Variants in TENM3 observed in about 807,000 individuals in gnomAD.
TENM3 encodes teneurin transmembrane protein 3.
Under a neutral mutation model 255.1 loss-of-function variants are expected in TENM3, and 63 were observed. The observed-to-expected ratio is 0.25, with a 90% confidence interval of 0.20 to 0.30. The LOEUF (loss-of-function observed/expected upper bound fraction) is 0.30. Among genes scored for constraint, TENM3 ranks in the 10% least tolerant of loss-of-function variants. The pLI is 1.00. For missense variants in TENM3, 2,929 were observed against 3,461.1 expected, an observed-to-expected ratio of 0.85 and a Z score of 3.86; for synonymous variants, 1,306 against 1,322.3, an observed-to-expected ratio of 0.99 and a Z score of 0.27.
the TENM3 span, among the ~76,000 whole-genome samples, chr4:181,780,404 T>A: frequency 6.6e-6 from 1 of 152,226 alleles, no homozygotes; most frequent in African/African-American, 2.4e-5. Context: ...TGAGCATTTT[T>A]TCATGTGTCT....
upstream of TENM3, among the ~76,000 whole-genome samples, chr4:182,240,525 A>T (rs7668588): frequency 0.45 from 67,721 of 151,764 alleles, 15,803 homozygotes; most frequent in African/African-American, 0.55. Context: ...ATAAAAGGGG[A>T]GATGTAGACC....
intron 3 of TENM3, among the ~76,000 whole-genome samples, chr4:182,438,089 C>T (rs1055211839): frequency 2.0e-5 from 3 of 151,940 alleles, no homozygotes; most frequent in Admixed American, 6.6e-5. Flanking sequence ...AAAATGAGAC[C>T]CAGATAACTT....
chr4:181,557,168 G>A, the TENM3 span, among the ~76,000 whole-genome samples: 2 of 152,266 alleles, frequency 1.3e-5, no homozygotes, highest in African/African-American at 4.8e-5. Flanking sequence ...CAGGCTCATA[G>A]CATTATTTGC....
chr4:182,292,646 T>C (rs1761197494), intron 1 of TENM3, among the ~76,000 whole-genome samples: 2 of 152,168 alleles, frequency 1.3e-5, no homozygotes, highest in Non-Finnish European at 2.9e-5. Context: ...CTTCTCTCTT[T>C]CCCTCTCTGA....
intron 1 of TENM3, among the ~76,000 whole-genome samples, chr4:182,156,440 C>T (rs144973062): frequency 3.7e-3 from 559 of 152,070 alleles, no homozygotes; most frequent in African/African-American, 0.013. Flanking sequence ...GTTTGGGGTA[C>T]GGATGATCTC....
chr4:182,634,147 C>T (rs1751642587), intron 5 of TENM3, among the ~76,000 whole-genome samples: 1 of 152,132 alleles, frequency 6.6e-6, no homozygotes, highest in Admixed American at 6.5e-5. Flanking sequence ...GTTCTGTTTC[C>T]ACACTGTCCA....
chr4:182,057,289 A>AG, the TENM3 span, among the ~76,000 whole-genome samples: 4,217 of 149,096 alleles, frequency 0.028, 199 homozygotes, highest in African/African-American at 0.1. Flanking sequence ...GAAATTTCTC[A>AG]AAGAGAGAGA....
chr4:182,370,459 A>G (rs1267680180), intron 3 of TENM3, among the ~76,000 whole-genome samples: 1 of 152,226 alleles, frequency 6.6e-6, no homozygotes, highest in Non-Finnish European at 1.5e-5. Context: ...TCCTATATTT[A>G]ATAGATTAAT....
rs549690223 is a variant in TENM3, at chr4:182,478,905, A to G, written c.512-122019A>G. The stretch of plus-strand genomic sequence containing the variant: ...CTCCTTTTGTTTTATTAGGGTGGGG[A>G]TTATTTTAGGAATGGAAGACTTTTA... On this transcript the variant is annotated intron_variant, in intron 3 of 27. Coordinates refer to ENST00000511685, the MANE Select transcript of TENM3 (RefSeq NM_001080477.4). 3.9e-5 allele frequency among the ~76,000 whole-genome samples: 6 copies of G among 152,076 alleles called. No individual in the cohort carries two copies. The East Asian group carries it at 1.2e-3, about 29-fold the overall frequency.
intron 1 of TENM3, among the ~76,000 whole-genome samples, chr4:182,281,789 A>G (rs377417493): frequency 1.3e-5 from 2 of 152,086 alleles, no homozygotes; most frequent in Admixed American, 1.3e-4. Context: ...AGGATGGAGA[A>G]TAGTGGTGTG....
intron 13 of TENM3, among the ~76,000 whole-genome samples, chr4:182,718,048 C>G (rs1407835200): frequency 6.6e-6 from 1 of 152,052 alleles, no homozygotes; most frequent in Non-Finnish European, 1.5e-5. Context: ...CACAGTGAAC[C>G]CTACCACAGA....
chr4:182,788,026 T>C (rs934037262), intron 24 of TENM3, among the ~76,000 whole-genome samples: 2 of 152,258 alleles, frequency 1.3e-5, no homozygotes, highest in African/African-American at 4.8e-5. Context: ...TATACACATA[T>C]ATTTATATAT....
intron 4 of TENM3, among the ~76,000 whole-genome samples, chr4:182,627,779 T>G (rs1215802208): frequency 6.6e-6 from 1 of 152,150 alleles, no homozygotes; most frequent in Non-Finnish European, 1.5e-5. Flanking sequence ...TAGTTACCTT[T>G]CCTGAAGAAT....
chr4:182,426,595 T>C (rs760485549), intron 3 of TENM3, among the ~76,000 whole-genome samples: 6 of 152,188 alleles, frequency 3.9e-5, no homozygotes, highest in Non-Finnish European at 8.8e-5. Flanking sequence ...ACTAATCTAG[T>C]CATTAATATA....
the TENM3 span, among the ~76,000 whole-genome samples, chr4:181,996,934 C>A: frequency 6.6e-5 from 10 of 152,154 alleles, no homozygotes; most frequent in Non-Finnish European, 1.2e-4. Flanking sequence ...GGGCAACACA[C>A]AATGAATGAA....
chr4:182,402,785 C>T (rs1443877066), intron 3 of TENM3, among the ~76,000 whole-genome samples: 2 of 152,110 alleles, frequency 1.3e-5, no homozygotes, highest in African/African-American at 2.4e-5. Flanking sequence ...TTTCATGAGA[C>T]AACTCAAATT....
rs761945411 is a variant in TENM3, at chr4:182,751,835, A to G, written c.3665A>G (p.Asp1222Gly). The G allele has an allele frequency of 1.2e-6, 2 of 1,613,836 alleles. No homozygotes were observed. Among genetic ancestry groups the G allele is most frequent in the Admixed American group, 3.3e-5 (2 of 60,002 alleles). Reference protein sequence around the residue: ...NPAHRYYLATDPVTGDLYVSD... With the variant: ...NPAHRYYLATGPVTGDLYVSD... ...GCTCATAGATACTACCTTGCAACGGATCCAGTCACGGGAGATCTGTACGTT... is the reference window on the plus strand; with the variant it reads ...GCTCATAGATACTACCTTGCAACGGGTCCAGTCACGGGAGATCTGTACGTT... The change falls in exon 20 of 28, where the codon GAT (aspartate) becomes GGT (glycine). Residue 1222 changes from aspartate to glycine, a missense_variant. Physicochemically the swap from Asp to Gly is moderately conservative, Grantham distance 94. Transcript: ENST00000511685.
the TENM3 span, among the ~76,000 whole-genome samples, chr4:181,530,888 A>G: frequency 6.2e-4 from 95 of 152,168 alleles, no homozygotes; most frequent in African/African-American, 2.1e-3. Context: ...GATTCTCCTC[A>G]TAAGGCCTTT....
chr4:182,062,136 G>A, the TENM3 span, among the ~76,000 whole-genome samples: 1 of 152,168 alleles, frequency 6.6e-6, no homozygotes, highest in Non-Finnish European at 1.5e-5. Flanking sequence ...CATAGATTAA[G>A]AGATGCAATC....
Sources: allele counts gnomAD v4.1 joint callset (sites outside exome capture counted in the v4.1 genomes callset), GRCh38; gene constraint gnomAD v4.1.1; transcripts MANE v1.5; gene names NCBI Gene and HGNC (gene_info 2026-07-23, HGNC 2026-07-21).